RLN2: variants seen among roughly 807,000 people sequenced by gnomAD.
RLN2 encodes prorelaxin H2.
A neutral mutation model predicts 7.3 loss-of-function variants in RLN2; 10 were observed. The observed-to-expected ratio is 1.36, with a 90% CI of 0.84 to 2.31. RLN2 has a LOEUF of 2.31. Among genes scored for constraint, RLN2 ranks in the 30% most tolerant of loss-of-function variants. The pLI is 0.00. For missense variants in RLN2, 298 were observed against 217.6 expected (o/e 1.37, Z -2.32); for synonymous variants, 103 against 82.3 (o/e 1.25, Z -1.36).
intron 1 of RLN2, among the ~76,000 whole-genome samples, chr9:5,301,989 A>G (rs1055951435): frequency 1.3e-5 from 2 of 152,142 alleles, no homozygotes; most frequent in South Asian, 2.1e-4. Flanking sequence ...GTTTAATTCA[A>G]TTTCATCATA....
At chr9:5,319,987 C>CT in the RLN2 span, among the ~76,000 whole-genome samples, 987 of 144,890 alleles carry the variant, frequency 6.8e-3, 8 homozygotes, top group African/African-American at 0.015. Flanking sequence ...TAAGCTAACA[C>CT]TTTTTTTTTT....
At chr9:5,312,091 T>C in the RLN2 span, among the ~76,000 whole-genome samples, 1 of 151,990 alleles carries the variant, frequency 6.6e-6, no homozygotes, top group Non-Finnish European at 1.5e-5. Context: ...TAATAGAATG[T>C]CTCTGAAGCT....
At chr9:5,312,142 G>C in the RLN2 span, among the ~76,000 whole-genome samples, 1 of 151,936 alleles carries the variant, frequency 6.6e-6, no homozygotes, top group African/African-American at 2.4e-5. Context: ...CTAGTTTTGA[G>C]AGACTTCCTC....
the RLN2 span, among the ~76,000 whole-genome samples, chr9:5,324,296 C>T: frequency 1.3e-5 from 2 of 151,968 alleles, no homozygotes; most frequent in African/African-American, 4.8e-5. Flanking sequence ...ATAATCCCCA[C>T]TCAATATAAC....
At chr9:5,321,019 A>G in the RLN2 span, among the ~76,000 whole-genome samples, 2 of 152,164 alleles carry the variant, frequency 1.3e-5, no homozygotes, top group African/African-American at 4.8e-5. Context: ...TCTTAAAATT[A>G]TACAGTTCAA....
chr9:5,318,007 C>CGTGTGTGT, the RLN2 span, among the ~76,000 whole-genome samples: 1,737 of 148,044 alleles, frequency 0.012, 32 homozygotes, highest in Middle Eastern at 0.028. Flanking sequence ...TGTGTGTGTG[C>CGTGTGTGT]GTGTGTGTGT....
the RLN2 span, among the ~76,000 whole-genome samples, chr9:5,309,738 G>C: frequency 6.6e-6 from 1 of 151,974 alleles, no homozygotes; most frequent in East Asian, 1.9e-4. Context: ...TTTCCTGCTA[G>C]ACTGTGAGCT....
At chr9:5,318,580 A>C in the RLN2 span, among the ~76,000 whole-genome samples, 1 of 151,972 alleles carries the variant, frequency 6.6e-6, no homozygotes, top group Admixed American at 6.6e-5. Flanking sequence ...GTTTTTACTC[A>C]GCAACAGATA....
Position 5,302,140 on chromosome 9 carries a change from T to C in RLN2, c.212-1696A>G, listed in dbSNP as rs911548320. ...CAGTTATAGTTTGTATTAGGTTTGT[T>C]CATAGGCTGTGTATTTTATACTTTT... is the stretch of plus-strand genomic sequence containing the variant. On this transcript the variant is annotated intron_variant, in intron 1 of 1. Transcript: ENST00000381627. Among the ~76,000 whole-genome samples the C allele has an allele frequency of 1.1e-4, 16 of 152,228 alleles. No individual in the cohort carries two copies. In the East Asian group the frequency reaches 2.9e-3, roughly 27 times the overall value.
At chr9:5,320,013 T>G in the RLN2 span, among the ~76,000 whole-genome samples, 1 of 149,844 alleles carries the variant, frequency 6.7e-6, no homozygotes, top group African/African-American at 2.5e-5. Context: ...TAAGACGGAG[T>G]ATCACTCTGT....
chr9:5,319,987 C>CTT, the RLN2 span, among the ~76,000 whole-genome samples: 17 of 144,926 alleles, frequency 1.2e-4, no homozygotes, highest in East Asian at 2.2e-3. Context: ...TAAGCTAACA[C>CTT]TTTTTTTTTT....
At chr9:5,313,026 G>A in the RLN2 span, among the ~76,000 whole-genome samples, 1 of 151,948 alleles carries the variant, frequency 6.6e-6, no homozygotes, top group Admixed American at 6.6e-5. Flanking sequence ...AATGTTTTGT[G>A]TGTGCATGAA....
At chr9:5,306,575 A>G (rs768691186), upstream of RLN2, among the ~76,000 whole-genome samples, 1 of 152,106 alleles carries the variant, frequency 6.6e-6, no homozygotes, top group East Asian at 1.9e-4. Flanking sequence ...CAAATGCAAG[A>G]TTCACAGTCT....
chr9:5,315,809 A>T, the RLN2 span, among the ~76,000 whole-genome samples: 1 of 152,120 alleles, frequency 6.6e-6, no homozygotes, highest in African/African-American at 2.4e-5. Context: ...AAGTGCTGAA[A>T]GAAAAAAATT....
At chr9:5,318,544 A>G in the RLN2 span, among the ~76,000 whole-genome samples, 2 of 152,000 alleles carry the variant, frequency 1.3e-5, no homozygotes, top group Non-Finnish European at 2.9e-5. Context: ...TTATTCTATA[A>G]TTTAGTAAGG....
upstream of RLN2, among the ~76,000 whole-genome samples, chr9:5,305,225 A>T (rs1031125131): frequency 1.4e-4 from 21 of 151,972 alleles, no homozygotes; most frequent in Non-Finnish European, 7.4e-5. Flanking sequence ...CTTGTGCAGT[A>T]ATGTCTTTAA....
At chr9:5,309,960 C>A in the RLN2 span, among the ~76,000 whole-genome samples, 7 of 151,970 alleles carry the variant, frequency 4.6e-5, no homozygotes, top group East Asian at 1.4e-3. Flanking sequence ...AATTAAAGAC[C>A]CTGTGACACA....
upstream of RLN2, among the ~76,000 whole-genome samples, chr9:5,306,321 T>C (rs1050903191): frequency 4.0e-4 from 61 of 152,004 alleles, 1 homozygote; most frequent in Non-Finnish European, 8.5e-4. Flanking sequence ...TTGGACAGGC[T>C]GGTCTGAAAC....
chr9:5,337,298 A>T, the RLN2 span, among the ~76,000 whole-genome samples: 8 of 152,048 alleles, frequency 5.3e-5, no homozygotes, highest in African/African-American at 9.7e-5. Flanking sequence ...ACAGTTATAG[A>T]TTGTATTCAG....
Sources: allele counts gnomAD v4.1 joint callset (sites outside exome capture counted in the v4.1 genomes callset), GRCh38; gene constraint gnomAD v4.1.1; transcripts MANE v1.5; gene names NCBI Gene and HGNC (gene_info 2026-07-23, HGNC 2026-07-21).